CERS6: variants seen among roughly 807,000 people sequenced by gnomAD.
CERS6 encodes LAG1 homolog, ceramide synthase 6.
Under a neutral mutation model 56.8 loss-of-function variants are expected in CERS6, and 26 were observed. The observed-to-expected ratio is 0.46, with a 90% CI of 0.34 to 0.63. CERS6 has a LOEUF of 0.63. Ranked by LOEUF, CERS6 falls within the 30% of genes least tolerant of loss-of-function variation. The pLI is 0.01. For missense variants in CERS6, 415 were observed against 467.5 expected (o/e 0.89, Z 1.04); for synonymous variants, 164 against 173.3 (o/e 0.95, Z 0.42).
At chr2:168,617,762 T>C (rs1007667788) in intron 3 of CERS6, among the ~76,000 whole-genome samples, 2 of 151,862 alleles carry the variant, frequency 1.3e-5, no homozygotes, top group Non-Finnish European at 2.9e-5. Context: ...CAAAAAAAAG[T>C]CCAAGACCAG....
chr2:168,557,858 CA>C (rs1353878314), intron 2 of CERS6, among the ~76,000 whole-genome samples: 3 of 152,080 alleles, frequency 2.0e-5, no homozygotes, highest in Non-Finnish European at 4.4e-5. Flanking sequence ...ATGCAAATGA[CA>C]TGCTGGAAAA....
At chr2:168,578,007 C>T (rs1008014779) in intron 3 of CERS6, among the ~76,000 whole-genome samples, 2 of 151,964 alleles carry the variant, frequency 1.3e-5, no homozygotes, top group Non-Finnish European at 2.9e-5. Context: ...AGTCCAAAAG[C>T]CCAGGAGTGG....
intron 3 of CERS6, among the ~76,000 whole-genome samples, chr2:168,591,535 ATTAGAC>A (rs1439922011): frequency 6.6e-6 from 1 of 152,256 alleles, no homozygotes; most frequent in African/African-American, 2.4e-5. Context: ...TAGTTTTAAC[ATTAGAC>A]TTAATCTTCA....
At chr2:168,673,321 A>G (rs1025722462) in intron 4 of CERS6, among the ~76,000 whole-genome samples, 2 of 152,240 alleles carry the variant, frequency 1.3e-5, no homozygotes, top group African/African-American at 4.8e-5. Context: ...CTGATTACGA[A>G]TAATGCCCTG....
chr2:168,615,020 T>A (rs1684282374), intron 3 of CERS6, among the ~76,000 whole-genome samples: 3 of 152,076 alleles, frequency 2.0e-5, no homozygotes, highest in African/African-American at 7.2e-5. Context: ...CTGAGAAATC[T>A]GCAGATGGTT....
rs561293462 is a variant in CERS6, at chr2:168,724,662, TACA to T, written c.845+6685_845+6687del. Among the ~76,000 whole-genome samples the T allele has an allele frequency of 7.0e-3, 1,064 of 151,732 alleles. 15 individuals are homozygous for T. The highest frequency in any genetic ancestry group is 0.024 in the African/African-American group (1,010 of 41,280). On this transcript the variant is annotated intron_variant, in intron 8 of 9. Transcript: ENST00000305747. ...CCAAGGCCCCACCAGAGTAGCTAGA[TACA>T]GAGTGTCGATTGGTGCATTCACAAA...
intron 1 of CERS6, among the ~76,000 whole-genome samples, chr2:168,475,805 G>A (rs991891059): frequency 2.3e-4 from 35 of 152,234 alleles, no homozygotes; most frequent in Non-Finnish European, 3.4e-4. Context: ...AAGATTATTG[G>A]CTCCTGCCCC....
chr2:168,769,599 C>G lies in CERS6; in HGVS notation c.1092C>G (p.Thr364=). 2 of 1,612,542 alleles carry G rather than the reference C, an allele frequency of 1.2e-6. No individual in the cohort carries two copies. Among genetic ancestry groups the G allele is most frequent in the East Asian group, 2.2e-5 (1 of 44,798 alleles). The change falls in exon 10 of 10, where the codon ACC becomes ACG. Residue 364 remains threonine, a synonymous_variant. Transcript: ENST00000305747. ...PPGKNPHTAT[T]TNGTSGTNGY... is the part of the protein sequence containing the mutation. ...GAAAGAATCCCCACACTGCGACAAC[C>G]ACCAATGGGACCAGTGGTACCAACG...
At chr2:168,736,938 C>T (rs918977058) in intron 8 of CERS6, among the ~76,000 whole-genome samples, 1 of 152,164 alleles carries the variant, frequency 6.6e-6, no homozygotes, top group Non-Finnish European at 1.5e-5. Context: ...CGCCTCTGGT[C>T]CCTGTCTGAT....
intron 8 of CERS6, among the ~76,000 whole-genome samples, chr2:168,726,039 G>A (rs1225388151): frequency 6.6e-6 from 1 of 152,120 alleles, no homozygotes; most frequent in African/African-American, 2.4e-5. Flanking sequence ...TTTTAATATG[G>A]CATAGATTGT....
rs536297339 is a variant in CERS6 at position 168,636,202 on chromosome 2, G to C, written c.465+5160G>C. Among the ~76,000 whole-genome samples, 5 of 152,164 alleles carry C rather than the reference G, an allele frequency of 3.3e-5. No homozygotes were observed. In the South Asian group the frequency reaches 1.0e-3, roughly 32 times the overall value. On this transcript the variant is annotated intron_variant, in intron 4 of 9. Transcript: ENST00000305747. The stretch of plus-strand genomic sequence containing the variant: ...CACCTATCCCAAATTTCCCATTTCA[G>C]AAAACAAAAACCAATTTCAGAAAGA...
intron 4 of CERS6, among the ~76,000 whole-genome samples, chr2:168,677,176 C>G (rs749793779): frequency 4.9e-4 from 75 of 152,026 alleles, no homozygotes; most frequent in Non-Finnish European, 9.6e-4. Flanking sequence ...CCTTCTCCCC[C>G]ACCCCCCAAC....
At chr2:168,703,910 A>G (rs1334948830) in intron 6 of CERS6, among the ~76,000 whole-genome samples, 1 of 152,194 alleles carries the variant, frequency 6.6e-6, no homozygotes, top group Non-Finnish European at 1.5e-5. Flanking sequence ...TCTTCAGAAT[A>G]TAAGCAGGGA....
chr2:168,517,398 A>G (rs1694900819), intron 1 of CERS6, among the ~76,000 whole-genome samples: 1 of 152,040 alleles, frequency 6.6e-6, no homozygotes, highest in Non-Finnish European at 1.5e-5. Context: ...AGGCTGAGGC[A>G]GGAGAATTGC....
intron 8 of CERS6, among the ~76,000 whole-genome samples, chr2:168,763,305 G>A (rs530554660): frequency 5.3e-4 from 74 of 140,018 alleles, no homozygotes; most frequent in African/African-American, 1.6e-3. Flanking sequence ...GTAGTGGTAC[G>A]ATCTTGGCTC....
intron 3 of CERS6, among the ~76,000 whole-genome samples, chr2:168,570,314 G>A (rs1026384459): frequency 2.0e-5 from 3 of 152,218 alleles, no homozygotes; most frequent in African/African-American, 7.2e-5. Context: ...CGATGTGACA[G>A]AAGTGGATGA....
intron 7 of CERS6, among the ~76,000 whole-genome samples, chr2:168,717,311 C>G (rs913557896): frequency 6.6e-6 from 1 of 152,112 alleles, no homozygotes; most frequent in Non-Finnish European, 1.5e-5. Flanking sequence ...TTTCTAAGTT[C>G]ATGAGAGTAA....
intron 1 of CERS6, among the ~76,000 whole-genome samples, chr2:168,539,989 T>C (rs2105368012): frequency 6.6e-6 from 1 of 152,376 alleles, no homozygotes; most frequent in South Asian, 2.1e-4. Context: ...TCTATTCATT[T>C]GTAAAGATCT....
At chr2:168,743,133 T>C (rs1683968384) in intron 8 of CERS6, among the ~76,000 whole-genome samples, 2 of 151,694 alleles carry the variant, frequency 1.3e-5, no homozygotes, top group Non-Finnish European at 2.9e-5. Flanking sequence ...GATGGAAGGA[T>C]TATTGTCTAT....
Sources: gnomAD v4.1 joint callset for allele counts (sites outside exome capture counted in the v4.1 genomes callset) on GRCh38, gnomAD v4.1.1 for gene constraint, MANE v1.5 for transcripts, NCBI Gene and HGNC (gene_info 2026-07-23, HGNC 2026-07-21) for gene names.